LRRC4C: variants seen among roughly 807,000 people sequenced by gnomAD.
LRRC4C encodes the protein leucine rich repeat containing 4C, also known as leucine-rich repeat-containing protein 4C.
Under a neutral mutation model 33.6 loss-of-function variants are expected in LRRC4C, and 5 were observed. The observed-to-expected ratio is 0.15, with a 90% CI of 0.08 to 0.31. The LOEUF is 0.31. Among genes scored for constraint, LRRC4C ranks in the 10% least tolerant of loss-of-function variants. The probability of loss-of-function intolerance (pLI) is 1.00; values close to 1 mark genes in which losing one functional copy is unlikely to be tolerated. For synonymous variants in LRRC4C, 329 were observed against 302.0 expected (o/e 1.09, Z -0.93); for missense variants, 560 against 796.7 (o/e 0.70, Z 3.58).
intron 1 of LRRC4C, among the ~76,000 whole-genome samples, chr11:41,212,189 C>G (rs1031939979): frequency 1.3e-5 from 2 of 152,078 alleles, no homozygotes; most frequent in African/African-American, 2.4e-5. Flanking sequence ...AACTTTTTTT[C>G]CTAATCAATA....
chr11:41,084,921 A>T (rs892731046), intron 1 of LRRC4C, among the ~76,000 whole-genome samples: 2 of 152,138 alleles, frequency 1.3e-5, no homozygotes, highest in African/African-American at 4.8e-5. Context: ...AGTGGTTGAA[A>T]CTCAATTCTC....
chr11:40,683,874 A>G (rs1304277200), intron 2 of LRRC4C, among the ~76,000 whole-genome samples: 1 of 152,188 alleles, frequency 6.6e-6, no homozygotes, highest in African/African-American at 2.4e-5. Flanking sequence ...AACTCTGCTA[A>G]AACGCCAGGC....
chr11:41,304,019 G>A (rs1282150608), intron 1 of LRRC4C, among the ~76,000 whole-genome samples: 2 of 72,074 alleles, frequency 2.8e-5, no homozygotes, highest in African/African-American at 7.3e-5. Flanking sequence ...CCCCCGCCCG[G>A]CCAGCCGCCC....
In LRRC4C at chr11:40,993,546, CTCCTTTGATTGCTTTTTCACT is replaced by C. The variant is rs376181294; in HGVS notation, c.-495-59844_-495-59824del. ...CACCTGCATTGAAACTTTTTAGGCA[CTCCTTTGATTGCTTTTTCACT>C]TCCTTTTTGGCAGAGGAGACACAGT... is the stretch of plus-strand genomic sequence containing the variant. On this transcript the variant is annotated intron_variant, in intron 1 of 6. Transcript: ENST00000528697. Among the ~76,000 whole-genome samples, 445 of 152,246 alleles carry C rather than the reference CTCCTTTGATTGCTTTTTCACT, an allele frequency of 2.9e-3. 7 individuals are homozygous for C. The South Asian group carries it at 0.036, about 12-fold the overall frequency.
chr11:40,803,980 A>G lies in LRRC4C; in HGVS notation c.-407+129655T>C, dbSNP rs191726599. ...AATTAAATTATTATTGACTATAGTC[A>G]CTCTGTTGTACTATCAAATACTTGG... On this transcript the variant is annotated intron_variant, in intron 2 of 6. Transcript: ENST00000528697. Among the ~76,000 whole-genome samples, 688 of 152,274 alleles carry G rather than the reference A, an allele frequency of 4.5e-3. 12 individuals carry two copies. Among genetic ancestry groups the G allele is most frequent in the African/African-American group, 0.016 (655 of 41,556 alleles).
At chr11:40,410,808 T>C (rs539858770) in intron 3 of LRRC4C, among the ~76,000 whole-genome samples, 26 of 152,264 alleles carry the variant, frequency 1.7e-4, no homozygotes, top group South Asian at 6.2e-4. Context: ...GAAAGAAATG[T>C]CATGTTTTTT....
chr11:41,389,442 TA>T (rs1953494205), intron 1 of LRRC4C, among the ~76,000 whole-genome samples: 1 of 151,552 alleles, frequency 6.6e-6, no homozygotes, highest in Non-Finnish European at 1.5e-5. Flanking sequence ...AAGTTTCAAT[TA>T]AATATAGGAC....
intron 2 of LRRC4C, among the ~76,000 whole-genome samples, chr11:40,833,800 A>C (rs1157087990): frequency 3.9e-5 from 6 of 152,134 alleles, no homozygotes. Context: ...TGAATTGTGG[A>C]TAAGTGTTGT....
chr11:40,701,945 G>A (rs971966516), intron 2 of LRRC4C, among the ~76,000 whole-genome samples: 3 of 151,824 alleles, frequency 2.0e-5, no homozygotes, highest in Non-Finnish European at 4.4e-5. Flanking sequence ...TTTCTTAAAG[G>A]ATGTTAGACA....
At chr11:41,006,568 A>C (rs1471476233) in intron 1 of LRRC4C, among the ~76,000 whole-genome samples, 1 of 152,176 alleles carries the variant, frequency 6.6e-6, no homozygotes, top group Admixed American at 6.5e-5. Context: ...CATTTTCTTT[A>C]TAATCTTACA....
chr11:40,662,486 G>T lies in LRRC4C; in HGVS notation c.-406-14208C>A, dbSNP rs568798108. Among the ~76,000 whole-genome samples the T allele has an allele frequency of 3.3e-5, 5 of 152,308 alleles. No individual in the cohort carries two copies. The South Asian group carries it at 6.2e-4, about 19-fold the overall frequency. ...AAAAAGAGTTTGGGCAGGGATTTCT[G>T]GGTCTGAATGAACACTGGGGCATGG... On this transcript the variant is annotated intron_variant, in intron 2 of 6. Coordinates refer to ENST00000528697, the MANE Select transcript of LRRC4C (RefSeq NM_001258419.2).
rs145341709 is a variant in LRRC4C, at chr11:41,065,116, A to G, written c.-495-131393T>C. ...GGAGCCAAGTGGTCTTGTTCAGTGG[A>G]TCCCACTCCCATGGAGCCCAGAAAG... On this transcript the variant is annotated intron_variant, in intron 1 of 6. Coordinates refer to ENST00000528697, the MANE Select transcript of LRRC4C (RefSeq NM_001258419.2). Among the ~76,000 whole-genome samples the G allele has an allele frequency of 1.4e-3, 196 of 142,354 alleles. 6 individuals carry two copies. The East Asian group carries it at 0.038, about 28-fold the overall frequency. 93.4% of individuals were successfully genotyped at this position (142,354 alleles called of 152,430 possible).
At chr11:40,166,569 T>C (rs1859613480) in intron 5 of LRRC4C, among the ~76,000 whole-genome samples, 1 of 152,174 alleles carries the variant, frequency 6.6e-6, no homozygotes, top group Admixed American at 6.5e-5. Flanking sequence ...ATATGTGTGA[T>C]TTTTTATTAG....
At chr11:40,149,660 T>C (rs1330997257) in intron 5 of LRRC4C, among the ~76,000 whole-genome samples, 1 of 152,094 alleles carries the variant, frequency 6.6e-6, no homozygotes, top group African/African-American at 2.4e-5. Context: ...AAACATTAAA[T>C]TGATGGTCTG....
chr11:41,394,270 A>T (rs777787876), intron 1 of LRRC4C, among the ~76,000 whole-genome samples: 1 of 151,952 alleles, frequency 6.6e-6, no homozygotes, highest in Non-Finnish European at 1.5e-5. Flanking sequence ...CATTTCTAGG[A>T]GGGAAATCTA....
chr11:40,367,391 A>G (rs1390580091), intron 3 of LRRC4C, among the ~76,000 whole-genome samples: 1 of 152,114 alleles, frequency 6.6e-6, no homozygotes, highest in Non-Finnish European at 1.5e-5. Flanking sequence ...CCACTTACAG[A>G]TTACACAAGA....
chr11:41,298,887 G>A (rs1211768897), intron 1 of LRRC4C, among the ~76,000 whole-genome samples: 1 of 151,812 alleles, frequency 6.6e-6, no homozygotes, highest in South Asian at 2.1e-4. Context: ...AAGTGAGAAT[G>A]TGGTATTTGA....
chr11:41,451,235 TCTGA>T (rs1267896327), intron 1 of LRRC4C, among the ~76,000 whole-genome samples: 1 of 152,174 alleles, frequency 6.6e-6, no homozygotes. Flanking sequence ...CATTGAGAAT[TCTGA>T]CTGACTTATG....
At chr11:40,573,447 T>G (rs1471798935) in intron 3 of LRRC4C, among the ~76,000 whole-genome samples, 1 of 152,208 alleles carries the variant, frequency 6.6e-6, no homozygotes, top group African/African-American at 2.4e-5. Flanking sequence ...TTTGCATATG[T>G]AATTCTTTAT....
Sources: allele counts gnomAD v4.1 joint callset (sites outside exome capture counted in the v4.1 genomes callset), GRCh38; gene constraint gnomAD v4.1.1; transcripts MANE v1.5; gene names NCBI Gene and HGNC (gene_info 2026-07-23, HGNC 2026-07-21).